The following IL13RA1 variants were observed in gnomAD, a reference collection of about 807,000 sequenced individuals.
The protein encoded by IL13RA1 is interleukin 13 receptor subunit alpha 1, also known as interleukin-13 receptor subunit alpha-1.
IL13RA1 carries 14 observed loss-of-function variants against 33.8 expected under a neutral mutation model. The ratio of observed to expected loss-of-function variants is 0.41; its 90% confidence interval spans 0.27 to 0.65. IL13RA1 has a LOEUF of 0.65. Ranked by LOEUF, IL13RA1 falls within the 30% of genes least tolerant of loss-of-function variation. The pLI is 0.28. For synonymous variants in IL13RA1, 116 were observed against 115.7 expected, an observed-to-expected ratio of 1.00 and a Z score of -0.02; for missense variants, 313 against 327.0, an observed-to-expected ratio of 0.96 and a Z score of 0.33.
chrX:118,740,174 G>A (rs934678123), intron 1 of IL13RA1, among the ~76,000 whole-genome samples: 1 of 111,462 alleles, frequency 9.0e-6, no homozygotes, highest in Non-Finnish European at 1.9e-5. Context: ...CTATGTTGCC[G>A]GGGCTGGTCT....
At chrX:118,731,551 T>G (rs1303539246) in intron 1 of IL13RA1, among the ~76,000 whole-genome samples, 2 of 96,029 alleles carry the variant, frequency 2.1e-5, no homozygotes, top group African/African-American at 7.8e-5. Flanking sequence ...CACTCCAGCC[T>G]GGGTAACAGA....
At chrX:118,751,361 A>G (rs986956299) in intron 4 of IL13RA1, among the ~76,000 whole-genome samples, 1 of 112,248 alleles carries the variant, frequency 8.9e-6, no homozygotes, top group African/African-American at 3.2e-5. Context: ...GAGACAAAAA[A>G]CATATCTCTT....
chrX:118,741,998 A>G (rs1250915358), intron 2 of IL13RA1, among the ~76,000 whole-genome samples: 1 of 111,471 alleles, frequency 9.0e-6, no homozygotes, highest in Non-Finnish European at 1.9e-5. Context: ...AGCTGACTCT[A>G]TGGCCTGGAA....
rs1556370953 is a variant in IL13RA1, at chrX:118,776,550, T to TTG, written c.1191+40_1191+41insGT. 2.2e-4 allele frequency: 108 copies of TTG among 483,196 alleles called. 1 individual carries two copies. The Admixed American group carries it at 4.0e-3, about 18-fold the overall frequency. 39.8% of individuals were successfully genotyped at this position (483,196 alleles called of 1,213,427 possible). A position where few individuals can be genotyped will look rare whatever the true frequency, so the allele number is the denominator to read the frequency against. On this transcript the variant is annotated intron_variant, in intron 10 of 10. Coordinates refer to ENST00000371666, the MANE Select transcript of IL13RA1 (RefSeq NM_001560.3). The stretch of plus-strand genomic sequence containing the variant: ...TCATGGGGCTTGAAATGTTTTTTTT[T>TTG]TTTTTTTTTTTTGGAAGCTATGGCA...
In IL13RA1 at chrX:118,792,894, A is replaced by G. The variant is rs1452441221; in HGVS notation, c.*1040A>G. The G allele has an allele frequency of 9.0e-6, 1 of 111,019 alleles. No homozygotes were observed. Among genetic ancestry groups the G allele is most frequent in the Non-Finnish European group, 1.9e-5 (1 of 52,987 alleles). 9.1% of individuals were successfully genotyped at this position (111,019 alleles called of 1,213,427 possible). A position where few individuals can be genotyped will look rare whatever the true frequency, so the allele number is the denominator to read the frequency against. On this transcript the variant is annotated 3_prime_UTR_variant, in exon 11 of 11. Transcript: ENST00000371666. ...TCAACCATGAAGTCTCTAACAATGT[A>G]TTTTCTTCACCTCTGCTACTCAAGT...
chrX:118,764,636 T>G (rs1017331163), intron 6 of IL13RA1, among the ~76,000 whole-genome samples: 1 of 111,842 alleles, frequency 8.9e-6, no homozygotes, highest in Non-Finnish European at 1.9e-5. Context: ...TGGTTCCAAG[T>G]TTAAACGTCT....
chrX:118,745,171 A>G (rs1322640143), intron 2 of IL13RA1, among the ~76,000 whole-genome samples: 4 of 112,089 alleles, frequency 3.6e-5, no homozygotes, highest in South Asian at 3.8e-4. Context: ...GAAGCATTCT[A>G]GGAAGATTTC....
At chrX:118,775,938 C>T (rs1356663115) in intron 9 of IL13RA1, among the ~76,000 whole-genome samples, 2 of 110,582 alleles carry the variant, frequency 1.8e-5, no homozygotes, top group Non-Finnish European at 3.8e-5. Context: ...GCCTAAAGAC[C>T]GAAAGGAGTG....
chrX:118,804,058 G>A, the IL13RA1 span, among the ~76,000 whole-genome samples: 1 of 106,061 alleles, frequency 9.4e-6, no homozygotes, highest in Admixed American at 1.0e-4. Flanking sequence ...CTGGGTTCAA[G>A]TGATTCTCCT....
the IL13RA1 span, among the ~76,000 whole-genome samples, chrX:118,803,963 T>C: frequency 1.6e-5 from 1 of 64,447 alleles, no homozygotes; most frequent in African/African-American, 5.1e-5. Flanking sequence ...TCTTTCTTTC[T>C]TTTTTTTTTT....
intron 10 of IL13RA1, among the ~76,000 whole-genome samples, chrX:118,782,558 T>C (rs1458115974): frequency 1.8e-5 from 2 of 110,185 alleles, no homozygotes; most frequent in Non-Finnish European, 3.8e-5. Context: ...TACCAAGTTA[T>C]TCCTCTCCAT....
intron 1 of IL13RA1, among the ~76,000 whole-genome samples, chrX:118,739,467 C>CT (rs1375405455): frequency 8.9e-6 from 1 of 112,063 alleles, no homozygotes; most frequent in Admixed American, 9.5e-5. Flanking sequence ...AGATTTAACT[C>CT]TATCATTTGG....
At chrX:118,756,923 G>A (rs1224218052) in intron 4 of IL13RA1, among the ~76,000 whole-genome samples, 1 of 111,231 alleles carries the variant, frequency 9.0e-6, no homozygotes, top group African/African-American at 3.3e-5. Flanking sequence ...GGAATTACCA[G>A]CATAGAAACT....
Position 118,792,818 on chromosome X carries a change from T to G in IL13RA1, c.*964T>G, listed in dbSNP as rs2254672. ...TTTGCCAAGACCTTTCAAAGCCATTTTAGGCTGTTAGGGGCAGTGGAGGTA... is the reference window on the plus strand; with the variant it reads ...TTTGCCAAGACCTTTCAAAGCCATTGTAGGCTGTTAGGGGCAGTGGAGGTA... On this transcript the variant is annotated 3_prime_UTR_variant, in exon 11 of 11. Coordinates refer to ENST00000371666, the MANE Select transcript of IL13RA1 (RefSeq NM_001560.3). The G allele has an allele frequency of 0.17, 18,714 of 111,090 alleles. 1,456 individuals carry two copies. The highest frequency in any genetic ancestry group is 0.43 in the East Asian group (1,510 of 3,481). The allele number at this position is 111,090 out of a possible 1,213,427, so 9.2% of individuals were successfully genotyped here. A position where few individuals can be genotyped will look rare whatever the true frequency, so the allele number is the denominator to read the frequency against.
chrX:118,784,090 A>AAT lies in IL13RA1; in HGVS notation c.1191+7597_1191+7598dup, dbSNP rs1556372974. Among the ~76,000 whole-genome samples the AAT allele has an allele frequency of 4.1e-3, 260 of 63,916 alleles. 11 individuals carry two copies. Among genetic ancestry groups the AAT allele is most frequent in the African/African-American group, 0.013 (174 of 13,490 alleles). 55.5% of individuals were successfully genotyped at this position (63,916 alleles called of 115,157 possible). A position where few individuals can be genotyped will look rare whatever the true frequency, so the allele number is the denominator to read the frequency against. On this transcript the variant is annotated intron_variant, in intron 10 of 10. Coordinates refer to ENST00000371666, the MANE Select transcript of IL13RA1 (RefSeq NM_001560.3). ...AGACTCTGTCGCCAAAAAAAAAAAA[A>AAT]ATATATATATATATATATACGTATA... is the stretch of plus-strand genomic sequence containing the variant.
Position 118,747,033 on chromosome X carries a change from G to A in IL13RA1, c.308G>A (p.Ser103Asn). 1 of 1,160,296 alleles carries A rather than the reference G, an allele frequency of 8.6e-7. No individual in the cohort carries two copies. The highest frequency in any genetic ancestry group is 1.2e-6 in the Non-Finnish European group (1 of 849,456). Residue 103 changes from serine to asparagine, a missense_variant, in exon 3 of 11, where the codon AGC becomes AAC. Physicochemically the swap from Ser to Asn is conservative, Grantham distance 46. Coordinates refer to ENST00000371666, the MANE Select transcript of IL13RA1 (RefSeq NM_001560.3). ...TGTCTGCAAGTGGGGTCCCAGTGTA[G>A]CACCAATGAGAGTGAGAAGCCTAGC... ...RICLQVGSQCSTNESEKPSIL... is the reference protein window; with the variant it reads ...RICLQVGSQCNTNESEKPSIL...
At chrX:118,741,729 G>A (rs1165370783) in intron 2 of IL13RA1, among the ~76,000 whole-genome samples, 1 of 111,859 alleles carries the variant, frequency 8.9e-6, no homozygotes, top group East Asian at 2.8e-4. Flanking sequence ...ATAATTTCAG[G>A]TCCTTTATGA....
chrX:118,767,894 G>T (rs1392716800), intron 8 of IL13RA1, among the ~76,000 whole-genome samples: 1 of 111,729 alleles, frequency 9.0e-6, no homozygotes, highest in Non-Finnish European at 1.9e-5. Flanking sequence ...ACAGAGCTAT[G>T]GTCACATCAG....
chrX:118,738,388 A>G (rs183079133), intron 1 of IL13RA1, among the ~76,000 whole-genome samples: 51 of 111,130 alleles, frequency 4.6e-4, no homozygotes, highest in African/African-American at 1.6e-3. Flanking sequence ...TCCCTTGTCT[A>G]GTGATCCCCA....
Sources: gnomAD v4.1 joint callset for allele counts (sites outside exome capture counted in the v4.1 genomes callset) on GRCh38, gnomAD v4.1.1 for gene constraint, MANE v1.5 for transcripts, NCBI Gene and HGNC (gene_info 2026-07-23, HGNC 2026-07-21) for gene names.